ANO4: variants seen among roughly 807,000 people sequenced by gnomAD.
ANO4 encodes anoctamin-4.
ANO4 carries 69 observed loss-of-function variants against 141.9 expected under a neutral mutation model. The ratio of observed to expected loss-of-function variants is 0.49; its 90% confidence interval spans 0.40 to 0.59. The LOEUF (loss-of-function observed/expected upper bound fraction) is 0.59, where lower values mean the gene tolerates loss of function less well. ANO4 is among the 20% of genes least tolerant of loss of function. The pLI is 0.00. For missense variants in ANO4, 894 were observed against 1,162.2 expected, an observed-to-expected ratio of 0.77 and a Z score of 3.36; for synonymous variants, 350 against 394.3, an observed-to-expected ratio of 0.89 and a Z score of 1.33.
At chr12:101,052,227 C>T (rs2047902736) in intron 14 of ANO4, among the ~76,000 whole-genome samples, 1 of 152,082 alleles carries the variant, frequency 6.6e-6, no homozygotes, top group Non-Finnish European at 1.5e-5. Context: ...GTTCAGGTCA[C>T]GTCTGTGTGA....
At chr12:101,026,964 A>G (rs549972675) in intron 9 of ANO4, among the ~76,000 whole-genome samples, 114 of 152,340 alleles carry the variant, frequency 7.5e-4, no homozygotes, top group African/African-American at 2.6e-3. Flanking sequence ...CTGACTAGAA[A>G]CAGAAGTGAT....
chr12:100,991,798 A>T (rs1438097597), intron 8 of ANO4, among the ~76,000 whole-genome samples: 1 of 152,220 alleles, frequency 6.6e-6, no homozygotes, highest in Non-Finnish European at 1.5e-5. Flanking sequence ...TAAATGAAAA[A>T]ATAAATGAAT....
intron 1 of ANO4, among the ~76,000 whole-genome samples, chr12:100,856,933 G>A (rs1283169512): frequency 6.6e-6 from 1 of 152,108 alleles, no homozygotes; most frequent in African/African-American, 2.4e-5. Flanking sequence ...TTGACTGGAT[G>A]TGGGAGTAAG....
intron 1 of ANO4, among the ~76,000 whole-genome samples, chr12:100,864,336 GGCCCCCAAGAAA>G (rs1386887680): frequency 6.6e-6 from 1 of 152,110 alleles, no homozygotes; most frequent in African/African-American, 2.4e-5. Context: ...AGGAAAGGCA[GGCCCCCAAGAAA>G]AATTAAGATT....
chr12:101,101,701 A>G (rs2050194146), intron 22 of ANO4, among the ~76,000 whole-genome samples: 1 of 151,942 alleles, frequency 6.6e-6, no homozygotes, highest in South Asian at 2.1e-4. Flanking sequence ...AAAAAAAGGC[A>G]AATTCACTTG....
At chr12:100,725,855 A>G (rs1216507197) in intron 1 of ANO4, among the ~76,000 whole-genome samples, 1 of 152,246 alleles carries the variant, frequency 6.6e-6, no homozygotes, top group East Asian at 1.9e-4. Flanking sequence ...TCAGGATATC[A>G]GTTCTGGTTC....
intron 1 of ANO4, among the ~76,000 whole-genome samples, chr12:100,862,178 C>T (rs1808075781): frequency 6.6e-6 from 1 of 152,208 alleles, no homozygotes; most frequent in Non-Finnish European, 1.5e-5. Context: ...CCTCTCACCT[C>T]AGCCTCTGGA....
chr12:100,937,564 GA>G (rs1471229638), intron 3 of ANO4, among the ~76,000 whole-genome samples: 3 of 152,278 alleles, frequency 2.0e-5, no homozygotes, highest in African/African-American at 7.2e-5. Context: ...TTGGCTGTAT[GA>G]AAAGACCATG....
chr12:100,873,365 G>A (rs2039128993), intron 1 of ANO4, among the ~76,000 whole-genome samples: 1 of 152,166 alleles, frequency 6.6e-6, no homozygotes, highest in Non-Finnish European at 1.5e-5. Context: ...TTGTTAAGTT[G>A]TTGTAACCAA....
intron 11 of ANO4, 80 bp downstream of exon 11, chr12:101,040,156 G>A: frequency 6.7e-7 from 1 of 1,484,032 alleles, no homozygotes; most frequent in South Asian, 1.4e-5. Context: ...AGCTCCCAAT[G>A]AAGCAAAAAG....
intron 1 of ANO4, among the ~76,000 whole-genome samples, chr12:100,809,922 A>C (rs2035293499): frequency 6.6e-6 from 1 of 151,994 alleles, no homozygotes; most frequent in Non-Finnish European, 1.5e-5. Flanking sequence ...GAGAGCCCCT[A>C]TGGAAGATTT....
intron 1 of ANO4, chr12:100,859,278 C>T (rs1189126439): frequency 6.6e-6 from 1 of 152,148 alleles, no homozygotes; most frequent in East Asian, 1.9e-4. Context: ...TGAGAAGAAG[C>T]TTTAAAAGCC....
At chr12:100,919,736 G>GTATGTATGTATGTATC (rs3059277) in intron 2 of ANO4, among the ~76,000 whole-genome samples, 20 of 133,054 alleles carry the variant, frequency 1.5e-4, no homozygotes, top group Non-Finnish European at 1.4e-4. Flanking sequence ...GTGTATGTAT[G>GTATGTATGTATGTATC]TATCTATCTA....
At chr12:101,037,378 T>C (rs1384098294) in intron 10 of ANO4, among the ~76,000 whole-genome samples, 2 of 152,328 alleles carry the variant, frequency 1.3e-5, no homozygotes, top group East Asian at 1.9e-4. Context: ...TCAATAGTCA[T>C]GCAGCATGAA....
chr12:100,942,083 C>T (rs924997428), intron 4 of ANO4, among the ~76,000 whole-genome samples: 13 of 151,764 alleles, frequency 8.6e-5, no homozygotes, highest in Non-Finnish European at 1.6e-4. Flanking sequence ...CAGGTTCAAG[C>T]AATTCCCCTG....
intron 5 of ANO4, among the ~76,000 whole-genome samples, chr12:100,959,733 C>T (rs1566058978): frequency 6.6e-6 from 1 of 152,166 alleles, no homozygotes; most frequent in Non-Finnish European, 1.5e-5. Flanking sequence ...TTGCTTCCTT[C>T]TTCATTGGCT....
rs2050110585 is a variant in ANO4, at chr12:101,099,510, C to T, written c.2007-68C>T. 5 of 1,430,620 alleles carry T rather than the reference C, an allele frequency of 3.5e-6. No homozygotes were observed. In the Admixed American group the frequency reaches 7.6e-5, roughly 22 times the overall value. The allele number at this position is 1,430,620 out of a possible 1,614,324, so 88.6% of individuals were successfully genotyped here. A position where few individuals can be genotyped will look rare whatever the true frequency, so the allele number is the denominator to read the frequency against. On this transcript the variant is annotated intron_variant, in intron 21 of 27. Transcript: ENST00000392977. ...ACTATTGTTTCTGTATTCAAACTCT[C>T]CTTTTTCTTATTACCTAAGTCATAT...
At chr12:101,042,066 C>A (rs1312412726) in intron 11 of ANO4, among the ~76,000 whole-genome samples, 1 of 152,124 alleles carries the variant, frequency 6.6e-6, no homozygotes, top group Non-Finnish European at 1.5e-5. Context: ...CACTCCGGCC[C>A]CTTCCAGTCC....
At chr12:100,899,642 C>T (rs2040497706) in intron 1 of ANO4, among the ~76,000 whole-genome samples, 2 of 152,146 alleles carry the variant, frequency 1.3e-5, no homozygotes, top group Non-Finnish European at 2.9e-5. Flanking sequence ...CAAATTGGCC[C>T]AGGTCATATC....
Sources: allele counts gnomAD v4.1 joint callset (sites outside exome capture counted in the v4.1 genomes callset), GRCh38; gene constraint gnomAD v4.1.1; transcripts MANE v1.5; gene names NCBI Gene and HGNC (gene_info 2026-07-23, HGNC 2026-07-21).